The following GGTA1 variants were observed in gnomAD, a reference collection of about 807,000 sequenced individuals.
GGTA1 encodes the protein glycoprotein alpha-galactosyltransferase 1 (inactive), also known as inactive N-acetyllactosaminide alpha-1,3-galactosyltransferase.
Under a neutral mutation model 2.6 loss-of-function variants are expected in GGTA1, and 5 were observed. The observed-to-expected ratio is 1.92, with a 90% CI of 1.00 to 4.04. The LOEUF (loss-of-function observed/expected upper bound fraction) is 4.04, where lower values mean the gene tolerates loss of function less well. Among genes scored for constraint, GGTA1 ranks in the 30% most tolerant of loss-of-function variants. The pLI, the probability that GGTA1 is intolerant of heterozygous loss-of-function variation, is 0.00. For synonymous variants in GGTA1, 17 were observed against 5.0 expected (o/e 3.38, Z -3.19); for missense variants, 50 against 16.7 (o/e 2.99, Z -3.47).
At chr9:121,497,645 G>A (rs1428156546) in intron 1 of GGTA1, among the ~76,000 whole-genome samples, 2 of 152,098 alleles carry the variant, frequency 1.3e-5, no homozygotes, top group African/African-American at 2.4e-5. Flanking sequence ...GACTGAGTCC[G>A]TTCTGACATA....
chr9:121,483,341 C>G (rs994795467), intron 1 of GGTA1, among the ~76,000 whole-genome samples: 1 of 152,208 alleles, frequency 6.6e-6, no homozygotes, highest in African/African-American at 2.4e-5. Context: ...ATGAATAAGG[C>G]TCCTGGCTGG....
chr9:121,482,941 A>T (rs1436034532), intron 1 of GGTA1, among the ~76,000 whole-genome samples: 1 of 152,158 alleles, frequency 6.6e-6, no homozygotes, highest in Non-Finnish European at 1.5e-5. Flanking sequence ...ACAGAGCGAG[A>T]TTCTATCTCA....
chr9:121,453,971 C>T (rs931357122), downstream of GGTA1, among the ~76,000 whole-genome samples: 9 of 152,134 alleles, frequency 5.9e-5, no homozygotes, highest in Non-Finnish European at 1.0e-4. Context: ...CCACCCCAGC[C>T]GCAGGCATGA....
chr9:121,488,045 G>C (rs755626369), intron 1 of GGTA1, among the ~76,000 whole-genome samples: 1 of 152,124 alleles, frequency 6.6e-6, no homozygotes, highest in Non-Finnish European at 1.5e-5. Context: ...ATAGCTGAAG[G>C]GAACCTAATT....
At chr9:121,463,678 C>T (rs937060088) in intron 2 of GGTA1, among the ~76,000 whole-genome samples, 7 of 152,138 alleles carry the variant, frequency 4.6e-5, no homozygotes, top group African/African-American at 1.4e-4. Flanking sequence ...TGTGAGTCAT[C>T]ACTCCTGGCC....
At chr9:121,485,971 G>A (rs1014563397) in intron 1 of GGTA1, among the ~76,000 whole-genome samples, 9 of 152,084 alleles carry the variant, frequency 5.9e-5, no homozygotes, top group South Asian at 2.1e-4. Context: ...TGATTCCTGC[G>A]CACACCATGA....
chr9:121,473,500 C>T (rs904676048), intron 1 of GGTA1, among the ~76,000 whole-genome samples: 1 of 152,072 alleles, frequency 6.6e-6, no homozygotes, highest in African/African-American at 2.4e-5. Flanking sequence ...TTATTTTTCT[C>T]TCTGGACAAA....
intron 1 of GGTA1, among the ~76,000 whole-genome samples, chr9:121,473,472 G>A (rs574876266): frequency 6.6e-6 from 1 of 152,286 alleles, no homozygotes; most frequent in South Asian, 2.1e-4. Context: ...GGTGGCCAAT[G>A]GGTCTTTTAA....
chr9:121,492,097 A>G (rs1589339178), intron 1 of GGTA1, among the ~76,000 whole-genome samples: 1 of 152,228 alleles, frequency 6.6e-6, no homozygotes, highest in Non-Finnish European at 1.5e-5. Flanking sequence ...CTGATTCACA[A>G]TATGAGTCTC....
At chr9:121,445,026 CA>C (rs1564648532) in exon 8 of GGTA1, 1 of 152,108 alleles carries the variant, frequency 6.6e-6, no homozygotes, top group Non-Finnish European at 1.5e-5. Context: ...TAAATTGGGA[CA>C]TTTTTTAAAA....
chr9:121,451,931 G>A (rs2064880138), downstream of GGTA1: 1 of 152,162 alleles, frequency 6.6e-6, no homozygotes, highest in Admixed American at 6.5e-5. Context: ...CCCTCATTTT[G>A]AGGTAGGAAT....
chr9:121,450,729 G>A (rs1489453315), downstream of GGTA1, among the ~76,000 whole-genome samples: 1 of 152,158 alleles, frequency 6.6e-6, no homozygotes, highest in Non-Finnish European at 1.5e-5. Flanking sequence ...AATCTAATTA[G>A]GTGGCTCCCA....
chr9:121,456,566 G>A (rs2064913147), intron 5 of GGTA1, among the ~76,000 whole-genome samples: 1 of 151,072 alleles, frequency 6.6e-6, no homozygotes, highest in African/African-American at 2.4e-5. Context: ...TACAGGCATG[G>A]GTCACCACAC....
chr9:121,468,094 A>G (rs1448780102), intron 1 of GGTA1, among the ~76,000 whole-genome samples, 163 bp from the exon 2 acceptor site: 1 of 152,226 alleles, frequency 6.6e-6, no homozygotes, highest in African/African-American at 2.4e-5. Context: ...TTACATAGGT[A>G]TACACGTGCC....
chr9:121,474,010 CAAGG>C (rs1489218690), intron 1 of GGTA1, among the ~76,000 whole-genome samples: 2 of 144,354 alleles, frequency 1.4e-5, no homozygotes, highest in Admixed American at 6.9e-5. Context: ...AAGAAAGAAA[CAAGG>C]AAAGAAAGAA....
intron 1 of GGTA1, among the ~76,000 whole-genome samples, chr9:121,471,523 A>G (rs1589332370): frequency 6.6e-6 from 1 of 152,222 alleles, no homozygotes; most frequent in Non-Finnish European, 1.5e-5. Context: ...CCAGACTCAG[A>G]TCTCATATCT....
intron 2 of GGTA1, among the ~76,000 whole-genome samples, chr9:121,466,509 A>C (rs2065006028): frequency 6.6e-6 from 1 of 152,184 alleles, no homozygotes; most frequent in African/African-American, 2.4e-5. Flanking sequence ...AAACAAAGCA[A>C]CATTCCAGAA....
At chr9:121,469,298 G>C (rs1828331122) in intron 1 of GGTA1, among the ~76,000 whole-genome samples, 1 of 152,232 alleles carries the variant, frequency 6.6e-6, no homozygotes, top group African/African-American at 2.4e-5. Context: ...AGCAGCATAT[G>C]TAACAGGCTG....
intron 1 of GGTA1, among the ~76,000 whole-genome samples, chr9:121,472,500 A>G (rs924690311): frequency 1.3e-5 from 2 of 152,230 alleles, no homozygotes; most frequent in African/African-American, 4.8e-5. Context: ...GGTATTTAGC[A>G]AGTGCTCAAA....
Sources: allele counts gnomAD v4.1 joint callset (sites outside exome capture counted in the v4.1 genomes callset), GRCh38; gene constraint gnomAD v4.1.1; transcripts MANE v1.5; gene names NCBI Gene and HGNC (gene_info 2026-07-23, HGNC 2026-07-21).